Variants in IL20RA observed in about 807,000 individuals in gnomAD.
IL20RA encodes interleukin 20 receptor subunit alpha, also known as interleukin-20 receptor subunit alpha.
A neutral mutation model predicts 36.5 loss-of-function variants in IL20RA; 29 were observed. The observed-to-expected ratio is 0.79, with a 90% confidence interval of 0.59 to 1.08. The LOEUF is 1.08. IL20RA is among the 50% of genes least tolerant of loss of function. The pLI is 0.00. For missense variants in IL20RA, 652 were observed against 668.4 expected, an observed-to-expected ratio of 0.98 and a Z score of 0.27; for synonymous variants, 279 against 267.1, an observed-to-expected ratio of 1.04 and a Z score of -0.43.
intron 1 of IL20RA, among the ~76,000 whole-genome samples, chr6:137,020,209 C>T (rs1775846780): frequency 6.6e-6 from 1 of 152,194 alleles, no homozygotes; most frequent in Admixed American, 6.5e-5. Context: ...AAGCCTCCTG[C>T]CAAGAGGAAC....
At chr6:137,021,939 A>C (rs1775922824) in intron 1 of IL20RA, among the ~76,000 whole-genome samples, 1 of 152,150 alleles carries the variant, frequency 6.6e-6, no homozygotes, top group Non-Finnish European at 1.5e-5. Flanking sequence ...TATTATACAG[A>C]TGAGGAAACT....
intron 1 of IL20RA, among the ~76,000 whole-genome samples, chr6:137,019,726 T>G (rs1775831942): frequency 6.6e-6 from 1 of 152,212 alleles, no homozygotes; most frequent in African/African-American, 2.4e-5. Flanking sequence ...TGTTGAAATG[T>G]TAGCAAACTC....
At chr6:137,004,177 T>TTTTTTTTG (rs1775192332) in intron 6 of IL20RA, among the ~76,000 whole-genome samples, 10 of 142,836 alleles carry the variant, frequency 7.0e-5, no homozygotes, top group South Asian at 2.4e-4. Context: ...TTTTTTTTTT[T>TTTTTTTTG]TTTTTTTTGA....
intron 2 of IL20RA, among the ~76,000 whole-genome samples, chr6:137,015,513 C>G (rs999918877): frequency 2.0e-5 from 3 of 152,174 alleles, no homozygotes; most frequent in African/African-American, 7.2e-5. Flanking sequence ...CTTCTTTCCC[C>G]CTTCCAGTAA....
Position 137,004,651 on chromosome 6 carries a change from G to A in IL20RA, c.834C>T (p.His278=), listed in dbSNP as rs139282838. Reference sequence around the variant, plus strand: ...TTGCTGGGTGTTTCTCTTTGCCAACGTGGATATATCGGTAGATGGAATAGC... The same window carrying A: ...TTGCTGGGTGTTTCTCTTTGCCAACATGGATATATCGGTAGATGGAATAGC... ...VMGYSIYRYI[H]VGKEKHPANL... is the part of the protein sequence containing the mutation. The change falls in exon 6 of 7, where the codon CAC becomes CAT. Residue 278 remains histidine, a synonymous_variant. Transcript: ENST00000316649. The A allele has an allele frequency of 1.8e-3, 2,933 of 1,613,626 alleles. 6 individuals are homozygous for A. The highest frequency in any genetic ancestry group is 2.4e-3 in the Non-Finnish European group (2,790 of 1,179,852).
In IL20RA at chr6:137,001,397, A is replaced by G; in HGVS notation, c.*161T>C. The G allele has an allele frequency of 1.5e-6, 1 of 648,848 alleles. No homozygotes were observed. Among genetic ancestry groups the G allele is most frequent in the Non-Finnish European group, 2.6e-6 (1 of 387,170 alleles). The allele number at this position is 648,848 out of a possible 1,614,324, so 40.2% of individuals were successfully genotyped here. A position where few individuals can be genotyped will look rare whatever the true frequency, so the allele number is the denominator to read the frequency against. ...TTAAGAGACCTACATGCATGAACCA[A>G]TCACACACGTGCTATGAGAATAGAG... On this transcript the variant is annotated 3_prime_UTR_variant, in exon 7 of 7. Coordinates refer to ENST00000316649, the MANE Select transcript of IL20RA (RefSeq NM_014432.4).
At chr6:137,004,482 CTGTTTT>C in intron 6 of IL20RA, 133 bp downstream of exon 6, 1 of 897,698 alleles carries the variant, frequency 1.1e-6, no homozygotes, top group Non-Finnish European at 1.8e-6. Context: ...AGCCCAGAAA[CTGTTTT>C]TTAATTCACC....
chr6:137,004,846 T>A, intron 5 of IL20RA, 86 bp from the exon 6 acceptor site: 2 of 1,262,440 alleles, frequency 1.6e-6, no homozygotes, highest in Non-Finnish European at 2.2e-6. Context: ...CTCGTATCGT[T>A]AAGCTGCTTC....
chr6:137,030,070 G>GTTTTTTTTTTTTTTTTTTT lies in IL20RA; in HGVS notation c.89-12986_89-12968dup, dbSNP rs1188809232. On this transcript the variant is annotated intron_variant, in intron 1 of 6. Transcript: ENST00000316649. ...GGTGGAAAATGTCAGCGGTTTGCGG[G>GTTTTTTTTTTTTTTTTTTT]TTTTTTTTTTTTTTTTTTTTTTTTT... is the stretch of plus-strand genomic sequence containing the variant. Among the ~76,000 whole-genome samples, 3 of 62,804 alleles carry GTTTTTTTTTTTTTTTTTTT rather than the reference G, an allele frequency of 4.8e-5. 1 individual carries two copies. Among genetic ancestry groups the GTTTTTTTTTTTTTTTTTTT allele is most frequent in the Non-Finnish European group, 8.1e-5 (3 of 37,204 alleles). 41.2% of individuals were successfully genotyped at this position (62,804 alleles called of 152,430 possible).
rs77484310 is a variant in IL20RA, at chr6:137,005,161, C to T, written c.725-401G>A. Among the ~76,000 whole-genome samples, 28 of 152,320 alleles carry T rather than the reference C, an allele frequency of 1.8e-4. No individual in the cohort carries two copies. In the East Asian group the frequency reaches 5.4e-3, roughly 29 times the overall value. On this transcript the variant is annotated intron_variant, in intron 5 of 6. Coordinates refer to ENST00000316649, the MANE Select transcript of IL20RA (RefSeq NM_014432.4). ...AACAACAAAACCCTCCAGTGAAGAT[C>T]CCATTGAATTGCTCCACTTTTCCAC...
At position 137,017,115 on chromosome 6, in the gene IL20RA, G is replaced by A; in HGVS notation, c.89-12C>T. 1 of 1,611,342 alleles carries A rather than the reference G, an allele frequency of 6.2e-7. No individual in the cohort carries two copies. The highest frequency in any genetic ancestry group is 8.5e-7 in the Non-Finnish European group (1 of 1,178,686). Reference sequence around the variant, plus strand: ...AGAGACACAGGGAACTGAAAAAGGAGCAGAAAGGAATTGAGGTCTTAGTAG... The same window carrying A: ...AGAGACACAGGGAACTGAAAAAGGAACAGAAAGGAATTGAGGTCTTAGTAG... On this transcript the variant is annotated splice_polypyrimidine_tract_variant and intron_variant, in intron 1 of 6. Coordinates refer to ENST00000316649, the MANE Select transcript of IL20RA (RefSeq NM_014432.4).
rs1394563675 is a variant in IL20RA at position 137,011,379 on chromosome 6, C to G, written c.298G>C (p.Glu100Gln). 2 of 1,613,836 alleles carry G rather than the reference C, an allele frequency of 1.2e-6. No individual in the cohort carries two copies. Among genetic ancestry groups the G allele is most frequent in the Non-Finnish European group, 1.7e-6 (2 of 1,179,718 alleles). Residue 100 changes from glutamate (E) to glutamine (Q), a missense_variant, in exon 3 of 7, where the codon GAA (glutamate) becomes CAA (glutamine). Physicochemically the swap from Glu to Gln is conservative, Grantham distance 29. Transcript: ENST00000316649. ...INRTYCDLSA[E>Q]TSDYEHQYYA... ...TACTGGTGTTCGTAGTCAGAAGTTT[C>G]AGCAGAAAGATCACAGTAGGTTCTA...
intron 1 of IL20RA, chr6:137,044,438 G>C (rs981190065): frequency 1.1e-5 from 10 of 898,320 alleles, no homozygotes; most frequent in Non-Finnish European, 1.4e-5. Context: ...GAGCCAAGGT[G>C]CGCGAGGCGA....
intron 4 of IL20RA, chr6:137,009,082 A>G (rs969856876): frequency 1.7e-6 from 1 of 594,446 alleles, no homozygotes; most frequent in Non-Finnish European, 3.0e-6. Flanking sequence ...GAAGTGTACA[A>G]TCTCTCTACA....
In IL20RA at chr6:137,044,647, G is replaced by T; in HGVS notation, c.82C>A (p.Arg28=). 1 of 1,223,224 alleles carries T rather than the reference G, an allele frequency of 8.2e-7. No individual in the cohort carries two copies. Among genetic ancestry groups the T allele is most frequent in the Non-Finnish European group, 1.0e-6 (1 of 982,080 alleles). 75.8% of individuals were successfully genotyped at this position (1,223,224 alleles called of 1,614,324 possible). ...GGCGGCGCGACCCACCTACCTGCCC[G>T]TCCCCAAGGCGCCGCCAGGAGCAAC... The part of the protein sequence containing the change: ...LLLLLAAPWG[R]AVPCVSGGLP... The change falls in exon 1 of 7, where the codon CGG becomes AGG. Residue 28 remains arginine (R), a synonymous_variant. Coordinates refer to ENST00000316649, the MANE Select transcript of IL20RA (RefSeq NM_014432.4).
chr6:137,025,414 A>G (rs1227486098), intron 1 of IL20RA, among the ~76,000 whole-genome samples: 1 of 152,182 alleles, frequency 6.6e-6, no homozygotes, highest in South Asian at 2.1e-4. Flanking sequence ...TTGATCTTGG[A>G]CTTCCCAGCC....
At chr6:137,014,988 G>A (rs1256823154) in intron 2 of IL20RA, among the ~76,000 whole-genome samples, 4 of 152,122 alleles carry the variant, frequency 2.6e-5, no homozygotes, top group East Asian at 1.9e-4. Context: ...ACTGAACTTC[G>A]TAAGAGTCTT....
intron 1 of IL20RA, among the ~76,000 whole-genome samples, chr6:137,034,765 C>A (rs1362294747): frequency 1.3e-5 from 2 of 151,870 alleles, no homozygotes; most frequent in Non-Finnish European, 1.5e-5. Flanking sequence ...ACGGTGAAAC[C>A]CTGTCTCTAC....
chr6:137,008,985 G>A (rs1775375225), intron 4 of IL20RA: 2 of 518,730 alleles, frequency 3.9e-6, no homozygotes, highest in South Asian at 6.5e-5. Context: ...CATGGATAGA[G>A]TTCTTATTCA....
Sources: allele counts gnomAD v4.1 joint callset (sites outside exome capture counted in the v4.1 genomes callset), GRCh38; gene constraint gnomAD v4.1.1; transcripts MANE v1.5; gene names NCBI Gene and HGNC (gene_info 2026-07-23, HGNC 2026-07-21).